FBXW11: variants seen among roughly 807,000 people sequenced by gnomAD.
FBXW11 encodes F-box and WD repeat domain containing 11.
A neutral mutation model predicts 77.6 loss-of-function variants in FBXW11; 19 were observed. That is an observed-to-expected ratio of 0.24 (90% CI 0.17 to 0.36). The LOEUF is 0.36. Ranked by LOEUF, FBXW11 falls within the 10% of genes least tolerant of loss-of-function variation. The probability of loss-of-function intolerance (pLI) is 1.00; values close to 1 mark genes in which losing one functional copy is unlikely to be tolerated. For synonymous variants in FBXW11, 235 were observed against 249.4 expected, an observed-to-expected ratio of 0.94 and a Z score of 0.54; for missense variants, 334 against 704.2, an observed-to-expected ratio of 0.47 and a Z score of 5.95.
At chr5:171,894,895 G>T (rs1284639079) in intron 6 of FBXW11, among the ~76,000 whole-genome samples, 1 of 152,060 alleles carries the variant, frequency 6.6e-6, no homozygotes, top group Non-Finnish European at 1.5e-5. Context: ...CCAGCAAATG[G>T]TAGCAGTTAT....
At chr5:171,993,299 A>G (rs902989815) in intron 1 of FBXW11, among the ~76,000 whole-genome samples, 6 of 152,152 alleles carry the variant, frequency 3.9e-5, no homozygotes, top group African/African-American at 1.2e-4. Flanking sequence ...ATTAGGACCT[A>G]GTAAGTAAAT....
chr5:171,944,573 T>C (rs1399256113), intron 2 of FBXW11, among the ~76,000 whole-genome samples: 1 of 12,354 alleles, frequency 8.1e-5, no homozygotes, highest in Non-Finnish European at 2.6e-4. Context: ...AGACTCCATC[T>C]CAAAAAAAAA....
chr5:171,987,667 G>T (rs772814308), intron 1 of FBXW11, among the ~76,000 whole-genome samples: 1 of 152,018 alleles, frequency 6.6e-6, no homozygotes, highest in Non-Finnish European at 1.5e-5. Flanking sequence ...TGGTCAGTCT[G>T]GTCTCAAACT....
rs1337076330 is a variant in FBXW11 at position 171,861,597 on chromosome 5, C to T, written c.*2530G>A. 1 of 152,590 alleles carries T rather than the reference C, an allele frequency of 6.6e-6. No individual in the cohort carries two copies. The highest frequency in any genetic ancestry group is 2.4e-5 in the African/African-American group (1 of 41,438). 9.5% of individuals were successfully genotyped at this position (152,590 alleles called of 1,614,324 possible). On this transcript the variant is annotated 3_prime_UTR_variant, in exon 14 of 14. Transcript: ENST00000517395. ...AAGAGTATTGGCTTTGAATCAGTAG[C>T]TGAAGTAACAATTGCATGAAGCCAG...
chr5:171,916,878 A>T (rs1012701688), intron 2 of FBXW11, among the ~76,000 whole-genome samples: 7 of 152,106 alleles, frequency 4.6e-5, no homozygotes, highest in Non-Finnish European at 7.4e-5. Flanking sequence ...TGAGGGATGT[A>T]TATATGGTTT....
intron 2 of FBXW11, among the ~76,000 whole-genome samples, chr5:171,944,357 C>T (rs998839896): frequency 1.1e-4 from 16 of 151,954 alleles, no homozygotes; most frequent in African/African-American, 2.7e-4. Flanking sequence ...AGGTGGATCA[C>T]GAGGTCAGGA....
chr5:171,934,550 A>ACG (rs1762372288), intron 2 of FBXW11, among the ~76,000 whole-genome samples: 1 of 151,756 alleles, frequency 6.6e-6, no homozygotes, highest in African/African-American at 2.4e-5. Context: ...GGTGGTGCAC[A>ACG]CCTGAAGTTA....
chr5:171,951,098 AC>A (rs1465524589), intron 2 of FBXW11, among the ~76,000 whole-genome samples: 2 of 152,264 alleles, frequency 1.3e-5, no homozygotes, highest in East Asian at 3.9e-4. Flanking sequence ...ATAATAAAAT[AC>A]TGATATTCCT....
intron 7 of FBXW11, among the ~76,000 whole-genome samples, 196 bp from the exon 8 acceptor site, chr5:171,878,325 C>G (rs1262765872): frequency 6.6e-6 from 1 of 152,180 alleles, no homozygotes; most frequent in Non-Finnish European, 1.5e-5. Context: ...GATAGATGTG[C>G]TATTTTGCTT....
At chr5:171,986,057 T>G (rs191373998) in intron 1 of FBXW11, among the ~76,000 whole-genome samples, 95 of 152,374 alleles carry the variant, frequency 6.2e-4, no homozygotes, top group African/African-American at 2.1e-3. Context: ...CAGCTACTAC[T>G]GAGCTCCAAT....
At chr5:171,880,275 G>C (rs1284492375) in intron 7 of FBXW11, among the ~76,000 whole-genome samples, 1 of 152,102 alleles carries the variant, frequency 6.6e-6, no homozygotes, top group Non-Finnish European at 1.5e-5. Flanking sequence ...ATATTTCTGG[G>C]CTCTCTATTC....
intron 2 of FBXW11, among the ~76,000 whole-genome samples, chr5:171,922,679 C>G (rs1208571766): frequency 1.3e-5 from 2 of 152,128 alleles, no homozygotes; most frequent in Admixed American, 6.6e-5. Context: ...ATGTAAACCA[C>G]TAATAAATTT....
intron 5 of FBXW11, 58 bp from the exon 6 acceptor site, chr5:171,899,152 C>A: frequency 9.1e-7 from 1 of 1,102,166 alleles, no homozygotes; most frequent in Non-Finnish European, 1.3e-6. Context: ...TGAATTTTAT[C>A]TAAACATGGT....
At chr5:171,895,294 T>C (rs749343257) in intron 6 of FBXW11, among the ~76,000 whole-genome samples, 2 of 152,202 alleles carry the variant, frequency 1.3e-5, no homozygotes, top group Non-Finnish European at 2.9e-5. Context: ...TACAGCGGCA[T>C]TTAAATTGGC....
At chr5:171,877,656 G>A (rs1758187911) in intron 8 of FBXW11, among the ~76,000 whole-genome samples, 1 of 151,654 alleles carries the variant, frequency 6.6e-6, no homozygotes, top group Non-Finnish European at 1.5e-5. Context: ...AAGCAGGGGT[G>A]GCGATGCTTC....
At chr5:171,954,075 A>T (rs1427450568) in intron 2 of FBXW11, among the ~76,000 whole-genome samples, 1 of 152,210 alleles carries the variant, frequency 6.6e-6, no homozygotes, top group East Asian at 1.9e-4. Flanking sequence ...AAGGCTTATC[A>T]CTAACACTCT....
chr5:171,962,082 C>T (rs953744676), intron 1 of FBXW11, among the ~76,000 whole-genome samples: 7 of 152,116 alleles, frequency 4.6e-5, no homozygotes, highest in Non-Finnish European at 8.8e-5. Flanking sequence ...TTCATATTAG[C>T]TAAATTCACA....
chr5:171,870,298 A>G (rs1757676856), intron 11 of FBXW11, among the ~76,000 whole-genome samples: 1 of 152,190 alleles, frequency 6.6e-6, no homozygotes, highest in Non-Finnish European at 1.5e-5. Flanking sequence ...CCATTTGCTC[A>G]TTTAAAATGT....
intron 4 of FBXW11, among the ~76,000 whole-genome samples, chr5:171,902,813 T>TAGG (rs1257096386): frequency 6.6e-6 from 1 of 152,238 alleles, no homozygotes; most frequent in African/African-American, 2.4e-5. Flanking sequence ...TACTTGTCTA[T>TAGG]AGGAGCTATG....
Sources: gnomAD v4.1 joint callset for allele counts (sites outside exome capture counted in the v4.1 genomes callset) on GRCh38, gnomAD v4.1.1 for gene constraint, MANE v1.5 for transcripts, NCBI Gene and HGNC (gene_info 2026-07-23, HGNC 2026-07-21) for gene names.